DRD3: variants seen among roughly 807,000 people sequenced by gnomAD.
DRD3 encodes D(3) dopamine receptor.
In DRD3, 19 loss-of-function variants were observed where a neutral mutation model predicts 36.3. That is an observed-to-expected ratio of 0.52 (90% CI 0.36 to 0.77). The LOEUF is 0.77. Among genes scored for constraint, DRD3 ranks in the 30% least tolerant of loss-of-function variants. The pLI is 0.00. For missense variants in DRD3, 465 were observed against 505.3 expected (o/e 0.92, Z 0.77); for synonymous variants, 195 against 203.7 (o/e 0.96, Z 0.36).
intron 1 of DRD3, among the ~76,000 whole-genome samples, chr3:114,188,352 C>G (rs142828018): frequency 1.3e-5 from 2 of 151,844 alleles, no homozygotes; most frequent in Non-Finnish European, 2.9e-5. Flanking sequence ...GCTGGGACTA[C>G]GGGCGTGTGC....
At chr3:114,153,058 A>G (rs1191497201) in intron 3 of DRD3, among the ~76,000 whole-genome samples, 3 of 152,222 alleles carry the variant, frequency 2.0e-5, no homozygotes, top group Non-Finnish European at 2.9e-5. Context: ...CGCTGACCCC[A>G]GCACTGGCAG....
In DRD3 at chr3:114,131,352, T is replaced by C; in HGVS notation, c.772A>G (p.Ile258Val). The change falls in exon 6 of 7, where the codon ATC becomes GTC. Residue 258 changes from isoleucine to valine, a missense_variant. Ile to Val is a conservative substitution (Grantham distance 29). Coordinates refer to ENST00000383673, the MANE Select transcript of DRD3 (RefSeq NM_000796.6). Reference protein sequence around the residue: ...AHLELKRYYSICQDTALGGPG... With the variant: ...AHLELKRYYSVCQDTALGGPG... ...CCACCCAAGGCAGTGTCCTGGCAGATGCTGTAGTAACGCTTCAGCTCCAGA... is the reference window on the plus strand; with the variant it reads ...CCACCCAAGGCAGTGTCCTGGCAGACGCTGTAGTAACGCTTCAGCTCCAGA... 4.3e-6 allele frequency: 7 copies of C among 1,614,228 alleles called. No individual in the cohort carries two copies. Among genetic ancestry groups the C allele is most frequent in the Non-Finnish European group, 5.1e-6 (6 of 1,180,034 alleles).
chr3:114,159,180 G>A (rs1478427058), intron 3 of DRD3, among the ~76,000 whole-genome samples: 3 of 152,020 alleles, frequency 2.0e-5, no homozygotes, highest in Admixed American at 2.0e-4. Context: ...CAACCAAAAT[G>A]TAATTTTAAA....
At chr3:114,168,437 A>T (rs888909886) in intron 2 of DRD3, among the ~76,000 whole-genome samples, 1 of 151,996 alleles carries the variant, frequency 6.6e-6, no homozygotes, top group East Asian at 1.9e-4. Context: ...ACACGTTTTC[A>T]TTTTTTCTTT....
intron 1 of DRD3, among the ~76,000 whole-genome samples, chr3:114,198,114 A>C (rs2078046856): frequency 6.6e-6 from 1 of 152,134 alleles, no homozygotes; most frequent in African/African-American, 2.4e-5. Context: ...TTTTCTCAGC[A>C]ATATTTTTTA....
chr3:114,189,903 T>C (rs2077994905), intron 1 of DRD3, among the ~76,000 whole-genome samples: 1 of 152,148 alleles, frequency 6.6e-6, no homozygotes, highest in South Asian at 2.1e-4. Context: ...GCCTTATTTG[T>C]TCGCAAGATC....
intron 1 of DRD3, among the ~76,000 whole-genome samples, chr3:114,197,165 G>T (rs2078041473): frequency 1.3e-5 from 2 of 149,380 alleles, no homozygotes; most frequent in African/African-American, 4.9e-5. Context: ...CAGGTGGAGT[G>T]CAGTGGCATG....
At chr3:114,181,195 T>A (rs1283612694), upstream of DRD3, among the ~76,000 whole-genome samples, 1 of 152,006 alleles carries the variant, frequency 6.6e-6, no homozygotes, top group South Asian at 2.1e-4. Flanking sequence ...AGATAAAGAG[T>A]GATATAGACT....
chr3:114,189,600 A>C (rs1576092439), intron 1 of DRD3, among the ~76,000 whole-genome samples: 1 of 152,372 alleles, frequency 6.6e-6, no homozygotes, highest in East Asian at 1.9e-4. Context: ...TGGCCACATT[A>C]TGCCTGTAGA....
intron 3 of DRD3, among the ~76,000 whole-genome samples, chr3:114,153,871 A>G (rs1163066685): frequency 6.6e-6 from 1 of 152,174 alleles, no homozygotes; most frequent in Non-Finnish European, 1.5e-5. Context: ...GGTTGTCGTG[A>G]AGGTTAGCAA....
chr3:114,129,040 C>T (rs770808602), intron 6 of DRD3, 128 bp from the exon 7 acceptor site: 1 of 1,015,516 alleles, frequency 9.8e-7, no homozygotes, highest in Non-Finnish European at 1.4e-6. Flanking sequence ...TACCCACTTA[C>T]TTTTTTTTAT....
intron 1 of DRD3, among the ~76,000 whole-genome samples, chr3:114,197,523 C>T (rs1440645329): frequency 6.6e-6 from 1 of 152,026 alleles, no homozygotes; most frequent in South Asian, 2.1e-4. Flanking sequence ...TATAAGAAAT[C>T]TTTGCCTAAC....
intron 5 of DRD3, among the ~76,000 whole-genome samples, chr3:114,132,600 A>G (rs2077440909): frequency 6.6e-6 from 1 of 151,896 alleles, no homozygotes; most frequent in African/African-American, 2.4e-5. Context: ...CCCACCACAT[A>G]TAGAACATTT....
At position 114,131,109 on chromosome 3, in the gene DRD3, C is replaced by G. The variant is rs1379250512; in HGVS notation, c.1006+9G>C. 5 of 1,611,232 alleles carry G rather than the reference C, an allele frequency of 3.1e-6. No homozygotes were observed. The Admixed American group carries it at 8.3e-5, about 27-fold the overall frequency. ...CAACCCAACACAGCTCAAGCCAACCCAAACTTACCAAGCACAATGGCCACC... is the reference window on the plus strand; with the variant it reads ...CAACCCAACACAGCTCAAGCCAACCGAAACTTACCAAGCACAATGGCCACC... On this transcript the variant is annotated intron_variant, in intron 6 of 6. Transcript: ENST00000383673.
At chr3:114,189,743 C>G (rs891326630) in intron 1 of DRD3, among the ~76,000 whole-genome samples, 5 of 152,204 alleles carry the variant, frequency 3.3e-5, no homozygotes, top group African/African-American at 9.7e-5. Flanking sequence ...TCATACCTTT[C>G]TAGTACCTGT....
At chr3:114,185,899 G>A (rs960999248) in intron 1 of DRD3, among the ~76,000 whole-genome samples, 1 of 152,100 alleles carries the variant, frequency 6.6e-6, no homozygotes, top group Non-Finnish European at 1.5e-5. Context: ...CTGGTGTCTT[G>A]TAATTTTTTG....
chr3:114,190,410 TAATATATATATATATATATATATA>T lies in DRD3; in HGVS notation c.-156+8839_-156+8862del, dbSNP rs1560006100. ...AATGCATCCTAGAGAGGAAAAAGGA[TAATATATATATATATATATATATA>T]TATATATATATATATATATATATAT... On this transcript the variant is annotated intron_variant, in intron 1 of 7. Coordinates refer to the DRD3 transcript ENST00000460779. 1.4e-4 allele frequency among the ~76,000 whole-genome samples: 8 copies of T among 58,190 alleles called. No homozygotes were observed. The South Asian group carries it at 6.7e-3, about 49-fold the overall frequency. The allele number at this position is 58,190 out of a possible 152,430, so 38.2% of individuals were successfully genotyped here.
At chr3:114,192,839 C>T (rs2078017541) in intron 1 of DRD3, among the ~76,000 whole-genome samples, 2 of 152,172 alleles carry the variant, frequency 1.3e-5, no homozygotes, top group Admixed American at 6.5e-5. Flanking sequence ...GAGTAAGTAT[C>T]AGAAACACTT....
intron 2 of DRD3, among the ~76,000 whole-genome samples, chr3:114,168,183 C>T (rs2077804320): frequency 1.3e-5 from 2 of 152,164 alleles, no homozygotes; most frequent in South Asian, 4.1e-4. Flanking sequence ...TTTTGGTTAT[C>T]AAAATACTCT....
Sources: allele counts gnomAD v4.1 joint callset (sites outside exome capture counted in the v4.1 genomes callset), GRCh38; gene constraint gnomAD v4.1.1; transcripts MANE v1.5; gene names NCBI Gene and HGNC (gene_info 2026-07-23, HGNC 2026-07-21).